Variants in ATP8A2 observed in about 807,000 individuals in gnomAD.
The protein encoded by ATP8A2 is phospholipid-transporting ATPase IB.
In ATP8A2, 100 loss-of-function variants were observed where a neutral mutation model predicts 165.6. The ratio of observed to expected loss-of-function variants is 0.60; its 90% CI spans 0.51 to 0.71. The LOEUF is 0.71. Ranked by LOEUF, ATP8A2 falls within the 30% of genes least tolerant of loss-of-function variation. The pLI is 0.00. For missense variants in ATP8A2, 1,227 were observed against 1,479.5 expected, an observed-to-expected ratio of 0.83 and a Z score of 2.80; for synonymous variants, 543 against 548.8, an observed-to-expected ratio of 0.99 and a Z score of 0.15.
intron 1 of ATP8A2, among the ~76,000 whole-genome samples, chr13:25,445,911 C>T (rs1259795707): frequency 1.3e-5 from 2 of 152,132 alleles, no homozygotes; most frequent in Non-Finnish European, 2.9e-5. Flanking sequence ...ACCTCCTTCC[C>T]AGCGCTACTA....
At chr13:25,939,560 A>G (rs1955011278) in intron 33 of ATP8A2, among the ~76,000 whole-genome samples, 1 of 151,954 alleles carries the variant, frequency 6.6e-6, no homozygotes. Context: ...CTTTCGCCAT[A>G]TTGGGGATGT....
At chr13:25,457,300 G>C (rs1236714452) in intron 1 of ATP8A2, among the ~76,000 whole-genome samples, 1 of 152,082 alleles carries the variant, frequency 6.6e-6, no homozygotes, top group Non-Finnish European at 1.5e-5. Flanking sequence ...GATTCAGTTA[G>C]TCAACAGATA....
chr13:25,692,497 AT>A, intron 24 of ATP8A2, among the ~76,000 whole-genome samples: 1 of 152,244 alleles, frequency 6.6e-6, no homozygotes, highest in East Asian at 1.9e-4. Flanking sequence ...GACTCTTGCC[AT>A]CTGCAAATCG....
intron 24 of ATP8A2, among the ~76,000 whole-genome samples, chr13:25,689,171 T>C (rs1233610182): frequency 6.6e-6 from 1 of 152,220 alleles, no homozygotes; most frequent in Non-Finnish European, 1.5e-5. Context: ...TTCATTTTCT[T>C]ATACAGCATC....
At chr13:25,766,580 G>A (rs368046131) in intron 25 of ATP8A2, among the ~76,000 whole-genome samples, 27 of 152,182 alleles carry the variant, frequency 1.8e-4, no homozygotes, top group African/African-American at 3.1e-4. Context: ...TATCATCACC[G>A]CCACGAGAGC....
chr13:25,950,346 A>G (rs1197891957), intron 33 of ATP8A2, among the ~76,000 whole-genome samples: 1 of 152,192 alleles, frequency 6.6e-6, no homozygotes, highest in Non-Finnish European at 1.5e-5. Flanking sequence ...TTAGACCAAC[A>G]TTTTGGTCTC....
rs867912354 is a variant in ATP8A2, at chr13:25,907,420, T to C, written c.3183+45012T>C. On this transcript the variant is annotated intron_variant, in intron 33 of 36. Transcript: ENST00000381655. ...AGCTAAGTTAAAGTTGAATGCTCAG[T>C]TGGATAATCGTTTACTAACAATTGA... Among the ~76,000 whole-genome samples, 3 of 152,032 alleles carry C rather than the reference T, an allele frequency of 2.0e-5. No homozygotes were observed. In the South Asian group the frequency reaches 6.3e-4, roughly 32 times the overall value.
At chr13:25,435,554 C>T (rs890616929) in intron 1 of ATP8A2, among the ~76,000 whole-genome samples, 17 of 152,242 alleles carry the variant, frequency 1.1e-4, no homozygotes, top group African/African-American at 3.4e-4. Flanking sequence ...TAGCCTCAAG[C>T]GCAAGGTAGT....
intron 1 of ATP8A2, among the ~76,000 whole-genome samples, chr13:25,397,362 T>G (rs1177810940): frequency 6.6e-6 from 1 of 152,194 alleles, no homozygotes; most frequent in Non-Finnish European, 1.5e-5. Context: ...AACACCAGCC[T>G]CTATGAACAA....
intron 33 of ATP8A2, among the ~76,000 whole-genome samples, chr13:25,892,852 C>A (rs565192378): frequency 1.3e-5 from 2 of 150,620 alleles, no homozygotes; most frequent in East Asian, 3.9e-4. Context: ...TTTGATGACT[C>A]CTGATAGAAA....
intron 25 of ATP8A2, among the ~76,000 whole-genome samples, chr13:25,738,182 AG>A (rs1367600344): frequency 3.9e-5 from 6 of 152,200 alleles, no homozygotes; most frequent in Non-Finnish European, 8.8e-5. Context: ...CAGAGGAAGT[AG>A]GGGGCTGGGA....
chr13:25,562,358 T>G (rs1291215988), intron 15 of ATP8A2, among the ~76,000 whole-genome samples: 1 of 152,204 alleles, frequency 6.6e-6, no homozygotes, highest in Non-Finnish European at 1.5e-5. Context: ...ATAGTTTTGA[T>G]TTCTGTTTCC....
chr13:25,620,574 A>G (rs963816258), intron 24 of ATP8A2, among the ~76,000 whole-genome samples: 6 of 152,224 alleles, frequency 3.9e-5, no homozygotes, highest in Admixed American at 2.6e-4. Context: ...AGTATTGAAT[A>G]TATGGAACAT....
chr13:25,611,760 G>A lies in ATP8A2; in HGVS notation c.2211+22061G>A, dbSNP rs115533167. On this transcript the variant is annotated intron_variant, in intron 24 of 36. Coordinates refer to ENST00000381655, the MANE Select transcript of ATP8A2 (RefSeq NM_016529.6). ...TAGAATTCAGCTGTGAATATATCTG[G>A]TCCTGGGCTTATTTTTTGTTGGCAA... Among the ~76,000 whole-genome samples, 1,259 of 152,100 alleles carry A rather than the reference G, an allele frequency of 8.3e-3. 15 individuals carry two copies. Among genetic ancestry groups the A allele is most frequent in the African/African-American group, 0.029 (1,205 of 41,510 alleles).
intron 25 of ATP8A2, among the ~76,000 whole-genome samples, chr13:25,716,454 C>G (rs2043257172): frequency 6.6e-6 from 1 of 152,176 alleles, no homozygotes; most frequent in Non-Finnish European, 1.5e-5. Flanking sequence ...TAGCTTGGCT[C>G]TTACCTGTAG....
intron 2 of ATP8A2, among the ~76,000 whole-genome samples, chr13:25,489,453 C>T (rs1487650340): frequency 3.9e-5 from 6 of 152,250 alleles, no homozygotes; most frequent in East Asian, 3.9e-4. Context: ...CCCTCTGTGC[C>T]GCAGCGTTTC....
chr13:25,377,098 C>G lies in ATP8A2; in HGVS notation c.76+4810C>G, dbSNP rs551827237. On this transcript the variant is annotated intron_variant, in intron 1 of 36. Transcript: ENST00000381655. ...CTTAAACCCTCCTCAGAGGTGCCAG[C>G]TAGACAAATGGAATATTTTACAGTT... Among the ~76,000 whole-genome samples the G allele has an allele frequency of 1.8e-3, 279 of 152,280 alleles. 1 individual carries two copies. Among genetic ancestry groups the G allele is most frequent in the Non-Finnish European group, 3.3e-3 (223 of 68,014 alleles).
intron 2 of ATP8A2, among the ~76,000 whole-genome samples, chr13:25,520,909 G>T (rs777716227): frequency 2.0e-5 from 3 of 151,976 alleles, no homozygotes; most frequent in Non-Finnish European, 4.4e-5. Flanking sequence ...CCACCGTGCC[G>T]GCCCTATTTT....
chr13:25,693,833 G>T (rs2137881518), intron 24 of ATP8A2, among the ~76,000 whole-genome samples: 1 of 152,206 alleles, frequency 6.6e-6, no homozygotes, highest in East Asian at 1.9e-4. Context: ...GGAAATACAA[G>T]GGTGTGCCAC....
Sources: gnomAD v4.1 joint callset for allele counts (sites outside exome capture counted in the v4.1 genomes callset) on GRCh38, gnomAD v4.1.1 for gene constraint, MANE v1.5 for transcripts, NCBI Gene and HGNC (gene_info 2026-07-23, HGNC 2026-07-21) for gene names.